Variants in WDR27 observed in about 807,000 individuals in gnomAD.
The protein encoded by WDR27 is WD repeat domain 27, also known as WD repeat-containing protein 27.
Under a neutral mutation model 114.4 loss-of-function variants are expected in WDR27, and 100 were observed. The ratio of observed to expected loss-of-function variants is 0.87; its 90% CI spans 0.74 to 1.03. The LOEUF is 1.03. WDR27 is among the 50% of genes least tolerant of loss of function. The pLI, the probability that WDR27 is intolerant of heterozygous loss-of-function variation, is 0.00. For missense variants in WDR27, 1,129 were observed against 1,092.9 expected (o/e 1.03, Z -0.47); for synonymous variants, 449 against 423.1 (o/e 1.06, Z -0.75).
chr6:169,532,913 A>G (rs772749405), intron 25 of WDR27, among the ~76,000 whole-genome samples: 12 of 152,122 alleles, frequency 7.9e-5, no homozygotes, highest in Admixed American at 6.6e-4. Flanking sequence ...TCTCCTGACT[A>G]TTGATAGCAA....
At chr6:169,585,561 A>G (rs1804376362) in intron 23 of WDR27, among the ~76,000 whole-genome samples, 1 of 151,722 alleles carries the variant, frequency 6.6e-6, no homozygotes, top group Non-Finnish European at 1.5e-5. Flanking sequence ...CCTACTGTTG[A>G]CCAGAATCCT....
chr6:169,581,272 T>C (rs987105510), intron 24 of WDR27, among the ~76,000 whole-genome samples: 1 of 152,140 alleles, frequency 6.6e-6, no homozygotes, highest in Admixed American at 6.5e-5. Context: ...AATACTGAAG[T>C]GTCAGGACAG....
At chr6:169,602,168 A>G (rs1808120731) in intron 23 of WDR27, 51 bp downstream of exon 23, 2 of 1,374,858 alleles carry the variant, frequency 1.5e-6, no homozygotes, top group East Asian at 5.1e-5. Flanking sequence ...CAGTCTACAC[A>G]TTACCAAAGT....
chr6:169,664,295 G>T lies in WDR27; in HGVS notation c.784-9C>A. 6.2e-7 allele frequency: 1 copy of T among 1,613,888 alleles called. No homozygotes were observed. Among genetic ancestry groups the T allele is most frequent in the Non-Finnish European group, 8.5e-7 (1 of 1,179,852 alleles). ...AAACTGAAGATCCAAAGCTACAAAA[G>T]CAAAGAAGATGCAGACATGGCGCTG... On this transcript the variant is annotated splice_polypyrimidine_tract_variant and intron_variant, in intron 7 of 25. Transcript: ENST00000448612.
chr6:169,478,205 T>C (rs879259416), intron 25 of WDR27, among the ~76,000 whole-genome samples: 1 of 152,180 alleles, frequency 6.6e-6, no homozygotes, highest in Non-Finnish European at 1.5e-5. Flanking sequence ...CACATGATGA[T>C]GCAACTATAA....
At chr6:169,640,176 G>A (rs1435140342) in intron 17 of WDR27, among the ~76,000 whole-genome samples, 1 of 152,146 alleles carries the variant, frequency 6.6e-6, no homozygotes, top group Non-Finnish European at 1.5e-5. Flanking sequence ...CACAACTCCC[G>A]AGAAAATTCC....
At chr6:169,503,857 G>A (rs900812207) in intron 25 of WDR27, among the ~76,000 whole-genome samples, 41 of 151,954 alleles carry the variant, frequency 2.7e-4, no homozygotes, top group African/African-American at 9.4e-4. Flanking sequence ...AGGAGTAAAA[G>A]CTAAGCAGTC....
intron 1 of WDR27, among the ~76,000 whole-genome samples, chr6:169,689,557 A>G (rs149244377): frequency 8.4e-4 from 128 of 152,370 alleles, no homozygotes; most frequent in African/African-American, 3.0e-3. Flanking sequence ...TTAAGCTACC[A>G]CAGGTTCTAT....
At chr6:169,553,040 GGGGAGGGCC>G (rs1798394920) in intron 25 of WDR27, among the ~76,000 whole-genome samples, 15 of 112,250 alleles carry the variant, frequency 1.3e-4, no homozygotes, top group East Asian at 2.5e-4. Context: ...GCAGGGAGGT[GGGGAGGGCC>G]TGGAGGGCCT....
intron 2 of WDR27, among the ~76,000 whole-genome samples, chr6:169,679,287 C>A (rs1780859458): frequency 6.6e-6 from 1 of 152,208 alleles, no homozygotes; most frequent in Non-Finnish European, 1.5e-5. Flanking sequence ...CATGGTCACT[C>A]ATACTTGGCT....
At chr6:169,426,978 G>GGGGGGGGGGGGGGGC in the WDR27 span, 1 of 144,714 alleles carries the variant, frequency 6.9e-6, no homozygotes, top group Non-Finnish European at 1.5e-5. Context: ...GGCAGTGGGG[G>GGGGGGGGGGGGGGGC]GGGGGTGGCG....
chr6:169,459,784 C>T (rs1233553364), intron 25 of WDR27, among the ~76,000 whole-genome samples: 1 of 152,066 alleles, frequency 6.6e-6, no homozygotes, highest in African/African-American at 2.4e-5. Context: ...AGGCAATGGT[C>T]TTTTTCCCTG....
intron 21 of WDR27, among the ~76,000 whole-genome samples, chr6:169,621,213 T>C (rs2128197402): frequency 1.3e-5 from 2 of 152,280 alleles, no homozygotes; most frequent in Middle Eastern, 3.4e-3. Context: ...CGCTCGCATA[T>C]GCATATACAC....
chr6:169,471,057 T>C (rs1786312876), intron 25 of WDR27, among the ~76,000 whole-genome samples: 1 of 152,112 alleles, frequency 6.6e-6, no homozygotes, highest in African/African-American at 2.4e-5. Context: ...ACTATGTTTC[T>C]CAGCAACATC....
chr6:169,489,582 A>C (rs1234399940), intron 25 of WDR27, among the ~76,000 whole-genome samples: 1 of 152,212 alleles, frequency 6.6e-6, no homozygotes, highest in Non-Finnish European at 1.5e-5. Flanking sequence ...GTGAAAAGGC[A>C]CTTCTACCAC....
At chr6:169,575,471 G>C (rs1323050266) in intron 24 of WDR27, among the ~76,000 whole-genome samples, 2 of 151,762 alleles carry the variant, frequency 1.3e-5, no homozygotes, top group African/African-American at 4.8e-5. Context: ...ACGTGTTTCT[G>C]TAACATGTGT....
At chr6:169,691,762 G>A (rs1784559848) in intron 1 of WDR27, among the ~76,000 whole-genome samples, 1 of 152,086 alleles carries the variant, frequency 6.6e-6, no homozygotes, top group South Asian at 2.1e-4. Flanking sequence ...AACCACTTCT[G>A]TAGACATTAA....
intron 1 of WDR27, among the ~76,000 whole-genome samples, chr6:169,696,731 T>G (rs1323942936): frequency 6.6e-6 from 1 of 152,012 alleles, no homozygotes; most frequent in Non-Finnish European, 1.5e-5. Context: ...CTGGCCAACA[T>G]AGTGAAGCCC....
At chr6:169,664,973 G>A (rs1387921036) in intron 7 of WDR27, 1 of 726 alleles carries the variant, frequency 1.4e-3, no homozygotes, top group African/African-American at 0.017. Context: ...GGCAGCGTGC[G>A]GGCACGGGGG....
Sources: allele counts gnomAD v4.1 joint callset (sites outside exome capture counted in the v4.1 genomes callset), GRCh38; gene constraint gnomAD v4.1.1; transcripts MANE v1.5; gene names NCBI Gene and HGNC (gene_info 2026-07-23, HGNC 2026-07-21).